CCNB1IP1: variants seen among roughly 807,000 people sequenced by gnomAD.
CCNB1IP1 encodes the protein E3 ubiquitin-protein ligase CCNB1IP1.
A neutral mutation model predicts 25.6 loss-of-function variants in CCNB1IP1; 14 were observed. The observed-to-expected ratio is 0.55, with a 90% confidence interval of 0.36 to 0.85. CCNB1IP1 has a LOEUF of 0.85. CCNB1IP1 is among the 40% of genes least tolerant of loss of function. The probability of loss-of-function intolerance (pLI) is 0.01; values close to 1 mark genes in which losing one functional copy is unlikely to be tolerated. For synonymous variants in CCNB1IP1, 119 were observed against 116.1 expected (o/e 1.02, Z -0.16); for missense variants, 278 against 342.4 (o/e 0.81, Z 1.48).
At position 20,311,461 on chromosome 14, in the gene CCNB1IP1, T is replaced by C. The variant is rs1019041704; in HGVS notation, c.*89A>G. 2.8e-5 allele frequency: 31 copies of C among 1,106,644 alleles called. No homozygotes were observed. Among genetic ancestry groups the C allele is most frequent in the Admixed American group, 7.1e-5 (4 of 56,550 alleles). 68.6% of individuals were successfully genotyped at this position (1,106,644 alleles called of 1,614,324 possible). On this transcript the variant is annotated 3_prime_UTR_variant, in exon 7 of 7. Transcript: ENST00000358932. The stretch of plus-strand genomic sequence containing the variant: ...GTGCAGTGGCATGATCTTAGATCAC[T>C]AAAGCCTCAGACTCCTGGGCTCAAG...
In CCNB1IP1 at chr14:20,311,719, G is replaced by A. The variant is rs1882489508; in HGVS notation, c.665C>T (p.Pro222Leu). 1.2e-6 allele frequency: 2 copies of A among 1,613,882 alleles called. No homozygotes were observed. Among genetic ancestry groups the A allele is most frequent in the Non-Finnish European group, 1.7e-6 (2 of 1,179,984 alleles). The change falls in exon 7 of 7, where the codon CCT (proline) becomes CTT (leucine). Residue 222 changes from proline to leucine, a missense_variant. Transcript: ENST00000358932. ...NNSKFPLDNTPVRNRGDGDGD... is the reference protein window; with the variant it reads ...NNSKFPLDNTLVRNRGDGDGD... ...ATCTCCATCGCCCCGATTTCGAACA[G>A]GTGTATTATCCAAAGGAAACTTGGA...
chr14:20,330,752 G>A (rs1025926461), intron 1 of CCNB1IP1: 4 of 152,232 alleles, frequency 2.6e-5, no homozygotes, highest in African/African-American at 9.7e-5. Flanking sequence ...GGCTAATTTT[G>A]TATTTTTAGT....
At chr14:20,326,600 C>T in intron 3 of CCNB1IP1, 116 bp downstream of exon 3, 1 of 478,606 alleles carries the variant, frequency 2.1e-6, no homozygotes, top group Non-Finnish European at 4.3e-6. Context: ...AAGGTTAGAA[C>T]TGGGGATTTT....
At chr14:20,320,597 A>C (rs1882859310) in intron 4 of CCNB1IP1, among the ~76,000 whole-genome samples, 1 of 152,144 alleles carries the variant, frequency 6.6e-6, no homozygotes, top group African/African-American at 2.4e-5. Context: ...TGAGGTCAGG[A>C]GTTTGAGTCC....
chr14:20,320,131 G>C (rs1882844523), intron 4 of CCNB1IP1, among the ~76,000 whole-genome samples: 1 of 152,166 alleles, frequency 6.6e-6, no homozygotes, highest in South Asian at 2.1e-4. Context: ...GCAAACATAA[G>C]TTTGAATTTT....
chr14:20,316,862 C>T (rs912860796), intron 4 of CCNB1IP1, among the ~76,000 whole-genome samples: 1 of 152,194 alleles, frequency 6.6e-6, no homozygotes, highest in Admixed American at 6.5e-5. Context: ...AATCCCAGCA[C>T]TTTGGGAAGC....
chr14:20,325,226 C>G (rs1467379830), intron 4 of CCNB1IP1, among the ~76,000 whole-genome samples: 1 of 150,748 alleles, frequency 6.6e-6, no homozygotes, highest in African/African-American at 2.4e-5. Flanking sequence ...TCGAGACCAT[C>G]CCGGCTAAAA....
At chr14:20,318,015 G>A (rs906434985) in intron 4 of CCNB1IP1, 1 of 152,244 alleles carries the variant, frequency 6.6e-6, no homozygotes, top group African/African-American at 2.4e-5. Flanking sequence ...AGTGACAGCT[G>A]TAATTGGACA....
At chr14:20,313,136 AAC>A (rs1882556712) in intron 6 of CCNB1IP1, among the ~76,000 whole-genome samples, 1 of 152,070 alleles carries the variant, frequency 6.6e-6, no homozygotes, top group Non-Finnish European at 1.5e-5. Context: ...ATTTATATAA[AAC>A]ACAACAGTGC....
At position 20,311,438 on chromosome 14, in the gene CCNB1IP1, G is replaced by T; in HGVS notation, c.*112C>A. On this transcript the variant is annotated 3_prime_UTR_variant, in exon 7 of 7. Coordinates refer to ENST00000358932, the MANE Select transcript of CCNB1IP1 (RefSeq NM_021178.5). ...CTCACTCTGTTGCCCAGGCTGGAGT[G>T]CAGTGGCATGATCTTAGATCACTAA... is the stretch of plus-strand genomic sequence containing the variant. 1.2e-6 allele frequency: 1 copy of T among 828,144 alleles called. No individual in the cohort carries two copies. Among genetic ancestry groups the T allele is most frequent in the Non-Finnish European group, 2.0e-6 (1 of 493,684 alleles). The allele number at this position is 828,144 out of a possible 1,614,324, so 51.3% of individuals were successfully genotyped here.
At chr14:20,331,821 A>G (rs571896254) in intron 1 of CCNB1IP1, among the ~76,000 whole-genome samples, 2 of 151,716 alleles carry the variant, frequency 1.3e-5, no homozygotes, top group East Asian at 1.9e-4. Flanking sequence ...TAGAGTAGGT[A>G]TAGTAAAAGG....
In CCNB1IP1 at chr14:20,313,805, GTTCC is replaced by G. The variant is rs1467938729; in HGVS notation, c.298-8_298-5del. 1 of 1,536,844 alleles carries G rather than the reference GTTCC, an allele frequency of 6.5e-7. No homozygotes were observed. Among genetic ancestry groups the G allele is most frequent in the Admixed American group, 2.2e-5 (1 of 45,618 alleles). ...GATAGAGACGTTCCTGATGTACCTG[GTTCC>G]AAAAGAAAAAAGATTTTTAAGGTAT... On this transcript the variant is annotated splice_polypyrimidine_tract_variant and splice_region_variant and intron_variant, in intron 5 of 6. Coordinates refer to ENST00000358932, the MANE Select transcript of CCNB1IP1 (RefSeq NM_021178.5).
chr14:20,324,955 G>A (rs938429572), intron 4 of CCNB1IP1, among the ~76,000 whole-genome samples: 7 of 152,012 alleles, frequency 4.6e-5, no homozygotes, highest in South Asian at 2.1e-4. Flanking sequence ...GACTACAGGC[G>A]CACACCACCA....
At chr14:20,315,992 G>C (rs765582647) in intron 5 of CCNB1IP1, 8 of 509,342 alleles carry the variant, frequency 1.6e-5, no homozygotes, top group Non-Finnish European at 2.8e-5. Context: ...GTGTGTGTGT[G>C]TGTATACCCA....
At chr14:20,319,413 G>A (rs1324467966) in intron 4 of CCNB1IP1, among the ~76,000 whole-genome samples, 2 of 152,318 alleles carry the variant, frequency 1.3e-5, no homozygotes, top group East Asian at 3.9e-4. Context: ...TGAGCCTTCT[G>A]TGTGAATTCT....
At chr14:20,324,100 A>G (rs1334424896) in intron 4 of CCNB1IP1, among the ~76,000 whole-genome samples, 1 of 152,198 alleles carries the variant, frequency 6.6e-6, no homozygotes, top group Non-Finnish European at 1.5e-5. Context: ...GACTAATTCT[A>G]GAACTTAATT....
intron 5 of CCNB1IP1, chr14:20,314,291 G>A (rs947484673): frequency 5.2e-5 from 8 of 152,398 alleles, no homozygotes; most frequent in African/African-American, 1.9e-4. Flanking sequence ...AGACTATAAG[G>A]TCTGTCTTAC....
rs1225732386 is a variant in CCNB1IP1 at position 20,313,758 on chromosome 14, G to C, written c.341C>G (p.Ala114Gly). The C allele has an allele frequency of 6.3e-7, 1 of 1,599,034 alleles. No individual in the cohort carries two copies. The highest frequency in any genetic ancestry group is 1.8e-5 in the Admixed American group (1 of 56,818). Residue 114 changes from alanine (A) to glycine (G), a missense_variant, in exon 6 of 7, where the codon GCT becomes GGT. Physicochemically the swap from Ala to Gly is moderately conservative, Grantham distance 60. Coordinates refer to ENST00000358932, the MANE Select transcript of CCNB1IP1 (RefSeq NM_021178.5). ...CTCCATCTGTTTCAGATGGCCCTCA[G>C]CCTTGCTGAAATTGTATTCTTGATA... is the stretch of plus-strand genomic sequence containing the variant. ...RLYQEYNFSK[A>G]EGHLKQMEKI...
intron 1 of CCNB1IP1, among the ~76,000 whole-genome samples, chr14:20,331,689 G>A (rs1883237788): frequency 6.6e-6 from 1 of 151,714 alleles, no homozygotes; most frequent in Non-Finnish European, 1.5e-5. Context: ...ATTATACCCT[G>A]AAAACCTACT....
Sources: gnomAD v4.1 joint callset for allele counts (sites outside exome capture counted in the v4.1 genomes callset) on GRCh38, gnomAD v4.1.1 for gene constraint, MANE v1.5 for transcripts, NCBI Gene and HGNC (gene_info 2026-07-23, HGNC 2026-07-21) for gene names.